The following EML6 variants were observed in gnomAD, a reference collection of about 807,000 sequenced individuals.
EML6 encodes the protein echinoderm microtubule-associated protein-like 6.
In EML6, 154 loss-of-function variants were observed where a neutral mutation model predicts 240.1. The ratio of observed to expected loss-of-function variants is 0.64; its 90% CI spans 0.56 to 0.73. EML6 has a LOEUF of 0.73. EML6 is among the 30% of genes least tolerant of loss of function. The pLI, the probability that EML6 is intolerant of heterozygous loss-of-function variation, is 0.00. For synonymous variants in EML6, 1,148 were observed against 899.0 expected (o/e 1.28, Z -4.95); for missense variants, 2,964 against 2,474.6 (o/e 1.20, Z -4.20).
intron 37 of EML6, 72 bp from the exon 38 acceptor site, chr2:54,964,499 G>C: frequency 4.9e-6 from 7 of 1,442,340 alleles, no homozygotes; most frequent in Non-Finnish European, 6.6e-6. Context: ...GCCTGTCACA[G>C]ACCAGCCTTC....
chr2:54,815,039 T>A (rs1226991625), intron 3 of EML6, among the ~76,000 whole-genome samples: 2 of 152,264 alleles, frequency 1.3e-5, no homozygotes, highest in African/African-American at 4.8e-5. Context: ...TGTACTGGTA[T>A]GCACCTTCTC....
intron 26 of EML6, among the ~76,000 whole-genome samples, chr2:54,925,754 A>C (rs934401467): frequency 2.6e-5 from 4 of 152,206 alleles, no homozygotes; most frequent in Non-Finnish European, 5.9e-5. Context: ...ACCTTAAACC[A>C]TGGACCAGAA....
chr2:54,901,222 C>A (rs1168987834), intron 22 of EML6, among the ~76,000 whole-genome samples: 1 of 152,178 alleles, frequency 6.6e-6, no homozygotes, highest in Non-Finnish European at 1.5e-5. Flanking sequence ...GTAATGGAAC[C>A]AAATTCAAAC....
intron 2 of EML6, among the ~76,000 whole-genome samples, chr2:54,799,275 G>A (rs1669986854): frequency 6.6e-6 from 1 of 151,928 alleles, no homozygotes; most frequent in African/African-American, 2.4e-5. Flanking sequence ...TGGCCAGGCT[G>A]GTCTCAAACT....
At position 54,827,629 on chromosome 2, in the gene EML6, C is replaced by G; in HGVS notation, c.589C>G (p.Leu197Val). The change falls in exon 6 of 42, where the codon CTT (leucine) becomes GTT (valine). Residue 197 changes from leucine to valine, a missense_variant. Coordinates refer to ENST00000356458, the MANE Select transcript of EML6 (RefSeq NM_001039753.4). ...KRGIFGKTGD[L>V]QTILCLACAK... ...AGGGATATTTGGCAAAACAGGGGAT[C>G]TTCAGACCATCCTTTGCCTTGCATG... The G allele has an allele frequency of 6.4e-7, 1 of 1,551,664 alleles. No individual in the cohort carries two copies. The highest frequency in any genetic ancestry group is 1.2e-5 in the South Asian group (1 of 84,060).
intron 2 of EML6, among the ~76,000 whole-genome samples, chr2:54,794,875 A>G (rs1669670605): frequency 6.6e-6 from 1 of 152,226 alleles, no homozygotes; most frequent in Admixed American, 6.5e-5. Flanking sequence ...TTCTGGTACC[A>G]AGACCAGCCC....
chr2:54,941,493 G>C (rs1256586922), intron 28 of EML6, among the ~76,000 whole-genome samples: 16 of 152,202 alleles, frequency 1.1e-4, no homozygotes. Flanking sequence ...TAGCTGTTTT[G>C]TGGGCCTGTA....
chr2:54,744,626 A>G (rs1475494769), intron 2 of EML6, among the ~76,000 whole-genome samples: 3 of 151,886 alleles, frequency 2.0e-5, no homozygotes, highest in Non-Finnish European at 2.9e-5. Context: ...GGGGGCATTC[A>G]TGGGATGAGG....
chr2:54,954,198 C>A (rs1676122824), intron 32 of EML6, 42 bp downstream of exon 32: 3 of 1,521,212 alleles, frequency 2.0e-6, no homozygotes, highest in Non-Finnish European at 8.9e-7. Flanking sequence ...GGGTGTCTGC[C>A]TGTGGGTGTC....
chr2:54,825,600 T>C, intron 5 of EML6, among the ~76,000 whole-genome samples: 1 of 151,976 alleles, frequency 6.6e-6, no homozygotes, highest in East Asian at 1.9e-4. Flanking sequence ...CACCTTTTCA[T>C]TAATAATACC....
At chr2:54,857,535 G>C (rs1670450480) in intron 11 of EML6, among the ~76,000 whole-genome samples, 2 of 152,196 alleles carry the variant, frequency 1.3e-5, no homozygotes, top group South Asian at 4.1e-4. Flanking sequence ...TCTACTGAAG[G>C]TCCACAGTTA....
intron 2 of EML6, among the ~76,000 whole-genome samples, chr2:54,757,094 T>G (rs569614847): frequency 5.6e-4 from 85 of 152,264 alleles, no homozygotes; most frequent in African/African-American, 1.9e-3. Context: ...CCTTCTTGTT[T>G]CAATATATTG....
At chr2:54,847,376 A>G in intron 8 of EML6, 110 bp from the exon 9 acceptor site, 2 of 1,162,940 alleles carry the variant, frequency 1.7e-6, no homozygotes, top group Non-Finnish European at 2.4e-6. Context: ...TGAAGTTCCT[A>G]TGTCTTTTCT....
At chr2:54,923,356 C>T (rs754494357) in intron 26 of EML6, among the ~76,000 whole-genome samples, 11 of 130,570 alleles carry the variant, frequency 8.4e-5, no homozygotes, top group Admixed American at 9.0e-5. Flanking sequence ...TCCTAAGTGT[C>T]CTCACCAAAC....
At chr2:54,937,475 C>A (rs529482728) in intron 28 of EML6, among the ~76,000 whole-genome samples, 3 of 142,228 alleles carry the variant, frequency 2.1e-5, no homozygotes, top group Non-Finnish European at 4.5e-5. Context: ...ATCACTTGAG[C>A]CTGGGAGGTC....
intron 24 of EML6, 35 bp from the exon 25 acceptor site, chr2:54,910,919 T>A (rs1315751351): frequency 9.0e-7 from 1 of 1,116,976 alleles, no homozygotes; most frequent in East Asian, 2.6e-5. Flanking sequence ...AAAGTCAGAT[T>A]TTAATTATCT....
intron 21 of EML6, among the ~76,000 whole-genome samples, chr2:54,895,836 A>G (rs1408958087): frequency 6.6e-6 from 1 of 152,160 alleles, no homozygotes; most frequent in Non-Finnish European, 1.5e-5. Flanking sequence ...GGCTGCCCAC[A>G]GTTCCTTGCC....
intron 26 of EML6, among the ~76,000 whole-genome samples, chr2:54,923,885 AG>A (rs2104364431): frequency 6.6e-6 from 1 of 152,320 alleles, no homozygotes; most frequent in South Asian, 2.1e-4. Flanking sequence ...TAAATGAAAT[AG>A]GTACTGCTTT....
At chr2:54,791,254 G>A (rs1416432402) in intron 2 of EML6, among the ~76,000 whole-genome samples, 1 of 152,198 alleles carries the variant, frequency 6.6e-6, no homozygotes, top group Non-Finnish European at 1.5e-5. Flanking sequence ...GGAAGTGACG[G>A]CACAGTTACA....
Sources: allele counts gnomAD v4.1 joint callset (sites outside exome capture counted in the v4.1 genomes callset), GRCh38; gene constraint gnomAD v4.1.1; transcripts MANE v1.5; gene names NCBI Gene and HGNC (gene_info 2026-07-23, HGNC 2026-07-21).